Variants in SH3RF3 observed in about 807,000 individuals in gnomAD.
SH3RF3 encodes E3 ubiquitin-protein ligase SH3RF3.
Under a neutral mutation model 66.3 loss-of-function variants are expected in SH3RF3, and 29 were observed. That is an observed-to-expected ratio of 0.44 (90% CI 0.33 to 0.60). The LOEUF is 0.60. SH3RF3 is among the 20% of genes least tolerant of loss of function. The pLI, the probability that SH3RF3 is intolerant of heterozygous loss-of-function variation, is 0.04. For missense variants in SH3RF3, 1,194 were observed against 1,190.9 expected, an observed-to-expected ratio of 1.00 and a Z score of -0.04; for synonymous variants, 583 against 532.0, an observed-to-expected ratio of 1.10 and a Z score of -1.32.
At chr2:109,332,691 C>T (rs1040942525) in intron 1 of SH3RF3, among the ~76,000 whole-genome samples, 4 of 152,196 alleles carry the variant, frequency 2.6e-5, no homozygotes, top group African/African-American at 9.7e-5. Context: ...AGTCACCCTT[C>T]TGAGTGATTC....
chr2:109,422,599 C>T lies in SH3RF3; in HGVS notation c.1403+2957C>T, dbSNP rs147435446. On this transcript the variant is annotated intron_variant, in intron 5 of 9. Transcript: ENST00000309415. ...TCTCATTCCTGCACCCCCTTTCCAC[C>T]CCCTGCTGTGTTGGGCTGGGGCTTG... is the stretch of plus-strand genomic sequence containing the variant. Among the ~76,000 whole-genome samples, 681 of 93,120 alleles carry T rather than the reference C, an allele frequency of 7.3e-3. 5 individuals carry two copies. The highest frequency in any genetic ancestry group is 9.6e-3 in the Admixed American group (68 of 7,108). The allele number at this position is 93,120 out of a possible 152,430, so 61.1% of individuals were successfully genotyped here.
chr2:109,263,802 T>TA, intron 1 of SH3RF3, among the ~76,000 whole-genome samples: 1 of 152,012 alleles, frequency 6.6e-6, no homozygotes, highest in East Asian at 1.9e-4. Flanking sequence ...CCGTCTCTAC[T>TA]AAAAAAATAC....
rs72952042 is a variant in SH3RF3, at chr2:109,224,253, T to C, written c.573+94140T>C. Among the ~76,000 whole-genome samples, 1,352 of 152,274 alleles carry C rather than the reference T, an allele frequency of 8.9e-3. 19 individuals are homozygous for C. Among genetic ancestry groups the C allele is most frequent in the African/African-American group, 0.031 (1,293 of 41,556 alleles). Reference sequence around the variant, plus strand: ...GCTAATCAGATCTATCAAAATTAGGTTTTTACCAAGCATAGTAAAATAAGA... The same window carrying C: ...GCTAATCAGATCTATCAAAATTAGGCTTTTACCAAGCATAGTAAAATAAGA... On this transcript the variant is annotated intron_variant, in intron 1 of 9. Coordinates refer to ENST00000309415, the MANE Select transcript of SH3RF3 (RefSeq NM_001099289.3).
chr2:109,473,208 C>G (rs1035204895), intron 8 of SH3RF3, among the ~76,000 whole-genome samples: 5 of 152,052 alleles, frequency 3.3e-5, no homozygotes, highest in Non-Finnish European at 5.9e-5. Context: ...CCTAGACATA[C>G]GAGCGCCTCA....
chr2:109,389,848 T>TCA (rs142636898), intron 3 of SH3RF3, among the ~76,000 whole-genome samples: 1,635 of 152,250 alleles, frequency 0.011, 35 homozygotes, highest in African/African-American at 0.034. Flanking sequence ...AGAGAACAGG[T>TCA]CAGAGCCCAC....
intron 1 of SH3RF3, among the ~76,000 whole-genome samples, chr2:109,347,291 C>T (rs1682731638): frequency 6.6e-6 from 1 of 152,152 alleles, no homozygotes; most frequent in African/African-American, 2.4e-5. Context: ...TCAGATTCTA[C>T]CTACTGCTCC....
intron 1 of SH3RF3, among the ~76,000 whole-genome samples, chr2:109,209,566 G>A (rs1316341477): frequency 6.6e-6 from 1 of 152,150 alleles, no homozygotes; most frequent in African/African-American, 2.4e-5. Flanking sequence ...TAGCTCTCAT[G>A]GGGAAGATTT....
rs536073821 is a variant in SH3RF3 at position 109,330,318 on chromosome 2, A to C, written c.574-17356A>C. ...TTGCGAAACTAAAGAAAAGGGGCAAAATTCTTCTCTTGTGCCTATCTCTCT... is the reference window on the plus strand; with the variant it reads ...TTGCGAAACTAAAGAAAAGGGGCAACATTCTTCTCTTGTGCCTATCTCTCT... On this transcript the variant is annotated intron_variant, in intron 1 of 9. Transcript: ENST00000309415. 5.7e-4 allele frequency among the ~76,000 whole-genome samples: 86 copies of C among 152,160 alleles called. 1 individual carries two copies. The highest frequency in any genetic ancestry group is 5.2e-3 in the Admixed American group (80 of 15,290).
chr2:109,285,420 C>A (rs532043077), intron 1 of SH3RF3, among the ~76,000 whole-genome samples: 1 of 152,334 alleles, frequency 6.6e-6, no homozygotes, highest in South Asian at 2.1e-4. Flanking sequence ...AGGCACAAAC[C>A]GCTGATTCTC....
intron 2 of SH3RF3, among the ~76,000 whole-genome samples, chr2:109,353,008 G>T (rs1421967139): frequency 1.3e-5 from 2 of 152,242 alleles, no homozygotes; most frequent in African/African-American, 4.8e-5. Context: ...AGCAGTCCTG[G>T]CCCTGGCCGC....
intron 1 of SH3RF3, among the ~76,000 whole-genome samples, chr2:109,162,487 A>G (rs907373433): frequency 2.6e-5 from 4 of 152,172 alleles, no homozygotes; most frequent in Non-Finnish European, 5.9e-5. Flanking sequence ...CTATGTATAC[A>G]TGTGCCATGT....
chr2:109,172,248 C>A (rs577007972), intron 1 of SH3RF3, among the ~76,000 whole-genome samples: 2 of 152,172 alleles, frequency 1.3e-5, no homozygotes, highest in African/African-American at 4.8e-5. Flanking sequence ...AAGTATCAGC[C>A]GCCACAGGGA....
At chr2:109,448,187 T>C (rs1442673853) in intron 7 of SH3RF3, among the ~76,000 whole-genome samples, 7 of 152,234 alleles carry the variant, frequency 4.6e-5, no homozygotes, top group Non-Finnish European at 5.9e-5. Context: ...GCTTAATAAT[T>C]CAGGGGACAT....
intron 9 of SH3RF3, among the ~76,000 whole-genome samples, chr2:109,499,450 A>G (rs924845650): frequency 6.6e-6 from 1 of 152,190 alleles, no homozygotes; most frequent in African/African-American, 2.4e-5. Context: ...GCCCAGGGGC[A>G]TCTTCTCTCA....
At chr2:109,365,388 G>A (rs112290131) in intron 2 of SH3RF3, among the ~76,000 whole-genome samples, 1 of 152,318 alleles carries the variant, frequency 6.6e-6, no homozygotes, top group African/African-American at 2.4e-5. Flanking sequence ...TTCCCACGGA[G>A]GCTGCTGCTT....
chr2:109,408,640 C>T (rs1011854954), intron 4 of SH3RF3, among the ~76,000 whole-genome samples: 1 of 152,208 alleles, frequency 6.6e-6, no homozygotes, highest in African/African-American at 2.4e-5. Flanking sequence ...GGCAATGCCC[C>T]GCACTGGCAC....
At chr2:109,452,730 G>GCCAGGAGGCTTGTC (rs1677915675) in intron 8 of SH3RF3, among the ~76,000 whole-genome samples, 1 of 151,782 alleles carries the variant, frequency 6.6e-6, no homozygotes, top group Non-Finnish European at 1.5e-5. Flanking sequence ...GGAGGCTTGT[G>GCCAGGAGGCTTGTC]CCAGGAGGCT....
chr2:109,205,233 A>G (rs1280416520), intron 1 of SH3RF3, among the ~76,000 whole-genome samples: 2 of 151,566 alleles, frequency 1.3e-5, no homozygotes, highest in African/African-American at 4.9e-5. Flanking sequence ...ATAAAATAAG[A>G]TAAAAAAAAT....
intron 1 of SH3RF3, among the ~76,000 whole-genome samples, chr2:109,279,364 G>A (rs1198233643): frequency 1.3e-5 from 2 of 152,216 alleles, no homozygotes; most frequent in Non-Finnish European, 2.9e-5. Flanking sequence ...AGGCTAAATC[G>A]GCAGTGGCAG....
Sources: allele counts gnomAD v4.1 joint callset (sites outside exome capture counted in the v4.1 genomes callset), GRCh38; gene constraint gnomAD v4.1.1; transcripts MANE v1.5; gene names NCBI Gene and HGNC (gene_info 2026-07-23, HGNC 2026-07-21).